CSMD1: variants seen among roughly 807,000 people sequenced by gnomAD.
CSMD1 encodes the protein CUB and Sushi multiple domains 1.
In CSMD1, 213 loss-of-function variants were observed where a neutral mutation model predicts 417.5. The observed-to-expected ratio is 0.51, with a 90% CI of 0.46 to 0.57. CSMD1 has a LOEUF of 0.57. Ranked by LOEUF, CSMD1 falls within the 20% of genes least tolerant of loss-of-function variation. The pLI is 0.00. For synonymous variants in CSMD1, 2,862 were observed against 1,736.8 expected (o/e 1.65, Z -16.11); for missense variants, 6,923 against 4,529.7 (o/e 1.53, Z -15.17).
Position 3,180,992 on chromosome 8 carries a change from CTT to C in CSMD1, c.5725+116_5725+117del, listed in dbSNP as rs149748539. 1.6e-3 allele frequency: 1,108 copies of C among 697,910 alleles called. 10 individuals are homozygous for C. The African/African-American group carries it at 0.018, about 11-fold the overall frequency. The allele number at this position is 697,910 out of a possible 1,614,324, so 43.2% of individuals were successfully genotyped here. ...TCATAACACTAAATTTCATGCAAGT[CTT>C]TCACAGTTTTAGAAAAATAATATTT... On this transcript the variant is annotated intron_variant, in intron 37 of 69. Coordinates refer to ENST00000635120, the MANE Select transcript of CSMD1 (RefSeq NM_033225.6).
chr8:3,080,161 G>C (rs981335228), intron 49 of CSMD1, among the ~76,000 whole-genome samples: 5 of 152,218 alleles, frequency 3.3e-5, no homozygotes, highest in African/African-American at 1.2e-4. Context: ...GTAAATAGCT[G>C]CCTGGGAGTT....
chr8:4,250,353 C>T (rs1367569791), intron 3 of CSMD1, among the ~76,000 whole-genome samples: 2 of 152,124 alleles, frequency 1.3e-5, no homozygotes, highest in Non-Finnish European at 2.9e-5. Flanking sequence ...GAATGTGTGT[C>T]CCCTAATGTG....
chr8:4,249,362 G>A (rs959771593), intron 3 of CSMD1, among the ~76,000 whole-genome samples: 1 of 152,194 alleles, frequency 6.6e-6, no homozygotes, highest in Non-Finnish European at 1.5e-5. Flanking sequence ...TCAGTCTACG[G>A]ATGTTTCATG....
chr8:4,146,011 T>C (rs1399145540), intron 3 of CSMD1, among the ~76,000 whole-genome samples: 1 of 150,782 alleles, frequency 6.6e-6, no homozygotes, highest in African/African-American at 2.5e-5. Context: ...ACTAACTAGG[T>C]ATTCAAAAAA....
At chr8:3,316,447 C>T (rs1384441848) in intron 23 of CSMD1, among the ~76,000 whole-genome samples, 4 of 152,118 alleles carry the variant, frequency 2.6e-5, no homozygotes, top group African/African-American at 9.7e-5. Flanking sequence ...TATAAAACAA[C>T]ACGATGAATG....
intron 23 of CSMD1, among the ~76,000 whole-genome samples, chr8:3,315,062 T>G (rs1805647250): frequency 2.0e-5 from 3 of 152,202 alleles, no homozygotes; most frequent in African/African-American, 7.2e-5. Context: ...TTGAAGTATT[T>G]ACAAAAACAT....
At chr8:4,960,760 A>G (rs950087882) in intron 1 of CSMD1, among the ~76,000 whole-genome samples, 1 of 152,182 alleles carries the variant, frequency 6.6e-6, no homozygotes, top group Non-Finnish European at 1.5e-5. Context: ...AAGGGTACAC[A>G]AGTTTCTTAC....
At chr8:3,742,927 C>T (rs1796886085) in intron 6 of CSMD1, among the ~76,000 whole-genome samples, 1 of 152,204 alleles carries the variant, frequency 6.6e-6, no homozygotes, top group African/African-American at 2.4e-5. Flanking sequence ...TGAGCAGCCT[C>T]ATGTCGCACT....
chr8:3,754,557 C>G (rs935015211), intron 5 of CSMD1, among the ~76,000 whole-genome samples: 13 of 152,036 alleles, frequency 8.6e-5, no homozygotes, highest in Non-Finnish European at 1.8e-4. Context: ...TGGGTTCAAG[C>G]GATTCTCCTC....
intron 2 of CSMD1, among the ~76,000 whole-genome samples, chr8:4,633,731 T>G (rs1802673206): frequency 6.6e-6 from 1 of 152,122 alleles, no homozygotes; most frequent in Non-Finnish European, 1.5e-5. Context: ...TAATTTTTTT[T>G]GTACTTTTAG....
intron 3 of CSMD1, among the ~76,000 whole-genome samples, chr8:4,363,781 T>C (rs1040797629): frequency 6.6e-6 from 1 of 152,220 alleles, no homozygotes; most frequent in Non-Finnish European, 1.5e-5. Context: ...TACTCCACTA[T>C]GTATATGTAT....
chr8:4,443,732 A>C (rs1018857072), intron 2 of CSMD1, among the ~76,000 whole-genome samples: 1 of 152,230 alleles, frequency 6.6e-6, no homozygotes, highest in Non-Finnish European at 1.5e-5. Flanking sequence ...AAGATGATCC[A>C]AAATATGAAC....
intron 3 of CSMD1, among the ~76,000 whole-genome samples, chr8:4,279,447 C>A (rs1217881938): frequency 6.6e-6 from 1 of 152,130 alleles, no homozygotes; most frequent in Admixed American, 6.6e-5. Flanking sequence ...GATAAGATTC[C>A]AAGTCCCAGT....
intron 2 of CSMD1, among the ~76,000 whole-genome samples, chr8:4,500,069 G>C (rs1008410505): frequency 1.8e-5 from 1 of 55,338 alleles, no homozygotes; most frequent in Non-Finnish European, 4.0e-5. Flanking sequence ...AATACAATGT[G>C]TCTGAAGAGA....
At chr8:4,451,488 G>A (rs1440315689) in intron 2 of CSMD1, among the ~76,000 whole-genome samples, 1 of 152,154 alleles carries the variant, frequency 6.6e-6, no homozygotes. Flanking sequence ...CTTACCCATA[G>A]AGAAATATTA....
At chr8:4,401,518 C>G (rs1324625784) in intron 3 of CSMD1, among the ~76,000 whole-genome samples, 1 of 152,146 alleles carries the variant, frequency 6.6e-6, no homozygotes, top group Non-Finnish European at 1.5e-5. Context: ...CCCAGGTCAG[C>G]TTCTACCCTC....
At position 4,467,154 on chromosome 8, in the gene CSMD1, A is replaced by G. The variant is rs73660874; in HGVS notation, c.303-47089T>C. Reference sequence around the variant, plus strand: ...AAAAAAAAAAAAGAAAAAAAAAGAAAAAACAAATGTTGACAACTCGTTCTG... The same window carrying G: ...AAAAAAAAAAAAGAAAAAAAAAGAAGAAACAAATGTTGACAACTCGTTCTG... On this transcript the variant is annotated intron_variant, in intron 2 of 69. Coordinates refer to ENST00000635120, the MANE Select transcript of CSMD1 (RefSeq NM_033225.6). Among the ~76,000 whole-genome samples, 514 of 151,994 alleles carry G rather than the reference A, an allele frequency of 3.4e-3. 3 individuals carry two copies. Among genetic ancestry groups the G allele is most frequent in the African/African-American group, 0.012 (491 of 41,492 alleles).
chr8:4,693,853 T>C (rs780718661), intron 1 of CSMD1, among the ~76,000 whole-genome samples: 1 of 49,952 alleles, frequency 2.0e-5, no homozygotes, highest in African/African-American at 1.3e-4. Flanking sequence ...GGTCCTATTC[T>C]TTTTAACTCT....
At chr8:3,683,696 C>G (rs1179205583) in intron 7 of CSMD1, among the ~76,000 whole-genome samples, 1 of 152,106 alleles carries the variant, frequency 6.6e-6, no homozygotes, top group Non-Finnish European at 1.5e-5. Context: ...CCACACTAGA[C>G]AGAAAGAGGC....
Sources: gnomAD v4.1 joint callset for allele counts (sites outside exome capture counted in the v4.1 genomes callset) on GRCh38, gnomAD v4.1.1 for gene constraint, MANE v1.5 for transcripts, NCBI Gene and HGNC (gene_info 2026-07-23, HGNC 2026-07-21) for gene names.